Variants in FLRT1 observed in about 807,000 individuals in gnomAD.
The protein encoded by FLRT1 is leucine-rich repeat transmembrane protein FLRT1.
A neutral mutation model predicts 30.9 loss-of-function variants in FLRT1; 14 were observed. The ratio of observed to expected loss-of-function variants is 0.45; its 90% confidence interval spans 0.30 to 0.71. The LOEUF is 0.71. FLRT1 is among the 30% of genes least tolerant of loss of function. The probability of loss-of-function intolerance (pLI) is 0.08; values close to 1 mark genes in which losing one functional copy is unlikely to be tolerated. For synonymous variants in FLRT1, 368 were observed against 430.4 expected (o/e 0.85, Z 1.80); for missense variants, 737 against 949.2 (o/e 0.78, Z 2.94).
At chr11:64,115,371 A>T (rs1944958020) in intron 2 of FLRT1, among the ~76,000 whole-genome samples, 1 of 152,194 alleles carries the variant, frequency 6.6e-6, no homozygotes, top group Non-Finnish European at 1.5e-5. Flanking sequence ...AAGTGCAAGA[A>T]AACAGACCAC....
chr11:64,088,308 C>T (rs1054205679), intron 1 of FLRT1, among the ~76,000 whole-genome samples: 3 of 152,086 alleles, frequency 2.0e-5, no homozygotes, highest in Non-Finnish European at 2.9e-5. Context: ...TCACTAGGCT[C>T]GGTGGCCAGG....
At chr11:64,115,896 C>T (rs1944969297) in intron 2 of FLRT1, among the ~76,000 whole-genome samples, 1 of 152,214 alleles carries the variant, frequency 6.6e-6, no homozygotes, top group African/African-American at 2.4e-5. Flanking sequence ...TGCTGCATGG[C>T]TCTCACTAAA....
rs1944018547 is a variant in FLRT1 at position 64,067,060 on chromosome 11, G to A, written c.-1038+30901G>A. Among the ~76,000 whole-genome samples, 1 of 152,034 alleles carries A rather than the reference G, an allele frequency of 6.6e-6. No homozygotes were observed. The highest frequency in any genetic ancestry group is 2.4e-5 in the African/African-American group (1 of 41,402). ...GGCTCAGGGACCCCCCATGCCCAAT[G>A]TCCTGGCTCATTTGGGTAAACTAAG... On this transcript the variant is annotated intron_variant, in intron 1 of 2. Transcript: ENST00000682287. This position sits in a 1 kb window ranked among gnomAD's most constrained non-coding sequence, Gnocchi z 4.6.
intron 2 of FLRT1, among the ~76,000 whole-genome samples, chr11:64,107,154 G>C (rs539656888): frequency 1.3e-5 from 2 of 152,222 alleles, no homozygotes; most frequent in African/African-American, 4.8e-5. Flanking sequence ...AAAGTGCTGG[G>C]ATTACAATGA....
rs1459584240 is a variant in FLRT1 at position 64,064,257 on chromosome 11, A to G, written c.-1038+28098A>G. On this transcript the variant is annotated intron_variant, in intron 1 of 2. Coordinates refer to ENST00000682287, the MANE Select transcript of FLRT1 (RefSeq NM_013280.5). This position sits in a 1 kb window ranked among gnomAD's most constrained non-coding sequence, Gnocchi z 4.5. ...GCACAGCCTAGGGTTGGGGACAAAA[A>G]GCAACCAAGCCACACCGTAGTCTCC... Among the ~76,000 whole-genome samples the G allele has an allele frequency of 6.6e-6, 1 of 152,136 alleles. No homozygotes were observed. Among genetic ancestry groups the G allele is most frequent in the Non-Finnish European group, 1.5e-5 (1 of 68,032 alleles).
intron 1 of FLRT1, among the ~76,000 whole-genome samples, chr11:64,072,023 G>A (rs1565219521): frequency 6.6e-6 from 1 of 152,188 alleles, no homozygotes; most frequent in Admixed American, 6.5e-5. Context: ...CAAAACAAAC[G>A]CACTATTGAC....
intron 2 of FLRT1, among the ~76,000 whole-genome samples, chr11:64,111,119 C>T (rs1326411734): frequency 6.6e-6 from 1 of 152,256 alleles, no homozygotes; most frequent in African/African-American, 2.4e-5. Context: ...CCTCTGAAGG[C>T]TGAGGACTGT....
intron 1 of FLRT1, among the ~76,000 whole-genome samples, chr11:64,042,242 C>G (rs180752746): frequency 2.0e-5 from 3 of 152,166 alleles, no homozygotes; most frequent in East Asian, 1.9e-4. Flanking sequence ...CCTGAGCCAG[C>G]CTGAGCCAGG....
chr11:64,070,020 G>A (rs376352550), intron 1 of FLRT1, among the ~76,000 whole-genome samples: 22 of 152,196 alleles, frequency 1.4e-4, no homozygotes, highest in African/African-American at 4.8e-4. Flanking sequence ...CGGGGATGGT[G>A]AGAGGTGTCC....
intron 1 of FLRT1, among the ~76,000 whole-genome samples, chr11:64,043,963 G>A (rs112129622): frequency 6.6e-6 from 1 of 151,960 alleles, no homozygotes; most frequent in Non-Finnish European, 1.5e-5. Context: ...ACAGGTGCCC[G>A]CCACCACGCC....
At chr11:64,076,777 GGT>G (rs1450329209) in intron 1 of FLRT1, among the ~76,000 whole-genome samples, 13 of 152,190 alleles carry the variant, frequency 8.5e-5, no homozygotes, top group Non-Finnish European at 1.5e-4. Flanking sequence ...AGCTAGCTAA[GGT>G]GGGACCCAGG....
At chr11:64,069,533 T>C (rs543886590) in intron 1 of FLRT1, among the ~76,000 whole-genome samples, 2 of 152,182 alleles carry the variant, frequency 1.3e-5, no homozygotes, top group Admixed American at 6.5e-5. Context: ...CAGGAAGCCT[T>C]TGTGGGGAGG....
chr11:64,116,882 G>A lies in FLRT1; in HGVS notation c.615G>A (p.Leu205=), dbSNP rs753266688. The change falls in exon 3 of 3, where the codon CTG becomes CTA. Residue 205 remains leucine (L), a synonymous_variant. Coordinates refer to ENST00000682287, the MANE Select transcript of FLRT1 (RefSeq NM_013280.5). ...GLPHTLEELR[L]DDNRISTIPL... ...CGCACACGCTGGAGGAGCTGCGGCT[G>A]GATGACAACCGCATCTCCACCATCC... The A allele has an allele frequency of 6.2e-7, 1 of 1,611,766 alleles. No homozygotes were observed. The highest frequency in any genetic ancestry group is 1.1e-5 in the South Asian group (1 of 91,076).
chr11:64,072,178 T>C (rs1332852536), intron 1 of FLRT1, among the ~76,000 whole-genome samples: 1 of 152,154 alleles, frequency 6.6e-6, no homozygotes, highest in Non-Finnish European at 1.5e-5. Context: ...CTGGGGGGAC[T>C]TGGGGGTCGG....
At chr11:64,114,485 TTGAA>T (rs1386138447) in intron 2 of FLRT1, among the ~76,000 whole-genome samples, 7 of 93,986 alleles carry the variant, frequency 7.4e-5, no homozygotes, top group Admixed American at 3.0e-4. Flanking sequence ...GGAGGGATGG[TTGAA>T]TGGATGGATG....
chr11:64,058,129 G>A (rs1393412844), intron 1 of FLRT1, among the ~76,000 whole-genome samples: 1 of 152,256 alleles, frequency 6.6e-6, no homozygotes, highest in African/African-American at 2.4e-5. Context: ...CCTTACTGCA[G>A]CCCCCAGCGA....
intron 1 of FLRT1, among the ~76,000 whole-genome samples, chr11:64,056,203 G>T (rs1943782593): frequency 6.6e-6 from 1 of 152,166 alleles, no homozygotes; most frequent in East Asian, 1.9e-4. Context: ...GGGTGTCTTT[G>T]CCCATTTGGC....
At position 64,040,378 on chromosome 11, in the gene FLRT1, G is replaced by A. The variant is rs927110671; in HGVS notation, c.-1038+4219G>A. Among the ~76,000 whole-genome samples, 10 of 152,156 alleles carry A rather than the reference G, an allele frequency of 6.6e-5. No individual in the cohort carries two copies. In the East Asian group the frequency reaches 1.7e-3, roughly 26 times the overall value. On this transcript the variant is annotated intron_variant, in intron 1 of 2. Transcript: ENST00000682287. The stretch of plus-strand genomic sequence containing the variant: ...CTGGAGGACAGGATGGATGGAGAGG[G>A]CTGCATGGAGACCCCCGGCAGGAGG...
chr11:64,107,757 G>A (rs755680606), intron 2 of FLRT1, among the ~76,000 whole-genome samples: 1 of 152,156 alleles, frequency 6.6e-6, no homozygotes, highest in African/African-American at 2.4e-5. Flanking sequence ...GGGGTTAGAA[G>A]GTCCTTGAGG....
Sources: allele counts gnomAD v4.1 joint callset (sites outside exome capture counted in the v4.1 genomes callset), GRCh38; gene constraint gnomAD v4.1.1; non-coding constraint Gnocchi (gnomAD v3.1); transcripts MANE v1.5; gene names NCBI Gene and HGNC (gene_info 2026-07-23, HGNC 2026-07-21).